Variants in CNBD1 observed in about 807,000 individuals in gnomAD.
The protein encoded by CNBD1 is cyclic nucleotide binding domain containing 1.
Under a neutral mutation model 54.4 loss-of-function variants are expected in CNBD1, and 71 were observed. The ratio of observed to expected loss-of-function variants is 1.30; its 90% confidence interval spans 1.08 to 1.59. CNBD1 has a LOEUF of 1.59. CNBD1 is among the 40% of genes most tolerant of loss of function. The probability of loss-of-function intolerance (pLI) is 0.00; values close to 1 mark genes in which losing one functional copy is unlikely to be tolerated. For synonymous variants in CNBD1, 182 were observed against 170.7 expected (o/e 1.07, Z -0.51); for missense variants, 659 against 518.0 (o/e 1.27, Z -2.64).
intron 4 of CNBD1, among the ~76,000 whole-genome samples, chr8:87,186,019 T>G (rs1813468132): frequency 6.6e-6 from 1 of 152,176 alleles, no homozygotes; most frequent in Non-Finnish European, 1.5e-5. Flanking sequence ...TGTTTGTCTT[T>G]GCCTGATGTT....
intron 8 of CNBD1, among the ~76,000 whole-genome samples, chr8:87,348,506 T>C (rs1029675224): frequency 6.6e-6 from 1 of 152,180 alleles, no homozygotes; most frequent in Non-Finnish European, 1.5e-5. Flanking sequence ...ATTGGTACTA[T>C]TACTTTATAC....
At chr8:86,913,319 A>G (rs180911081) in intron 3 of CNBD1, among the ~76,000 whole-genome samples, 1 of 152,276 alleles carries the variant, frequency 6.6e-6, no homozygotes, top group Non-Finnish European at 1.5e-5. Flanking sequence ...TACATTGTTA[A>G]TCCTGTATTT....
rs1810039778 is a variant in CNBD1, at chr8:87,040,407, G to T, written c.431+100653G>T. On this transcript the variant is annotated intron_variant, in intron 4 of 10. Transcript: ENST00000518476. ...AAATGCATTTACTTTGTGCTTTGTT[G>T]TAATGAATTCTTTTTCTTTTTTTTT... 3.4e-5 allele frequency among the ~76,000 whole-genome samples: 5 copies of T among 148,964 alleles called. No individual in the cohort carries two copies. In the South Asian group the frequency reaches 1.1e-3, roughly 32 times the overall value.
At chr8:86,871,054 G>C (rs78052090) in intron 1 of CNBD1, among the ~76,000 whole-genome samples, 1 of 152,138 alleles carries the variant, frequency 6.6e-6, no homozygotes, top group East Asian at 1.9e-4. Flanking sequence ...CAAACATTTA[G>C]TATTTTTTTC....
intron 4 of CNBD1, among the ~76,000 whole-genome samples, chr8:87,205,240 G>A (rs1244627202): frequency 6.6e-6 from 1 of 152,082 alleles, no homozygotes; most frequent in Non-Finnish European, 1.5e-5. Context: ...CACCATGTTG[G>A]CCAGGATAGT....
At chr8:86,888,195 T>C (rs1428560174) in intron 2 of CNBD1, among the ~76,000 whole-genome samples, 1 of 152,202 alleles carries the variant, frequency 6.6e-6, no homozygotes, top group Non-Finnish European at 1.5e-5. Flanking sequence ...GCCTTAGGTT[T>C]ACAGAGTTTT....
chr8:87,144,570 C>T (rs902373896), intron 4 of CNBD1, among the ~76,000 whole-genome samples: 3 of 151,996 alleles, frequency 2.0e-5, no homozygotes, highest in African/African-American at 7.2e-5. Flanking sequence ...TTGTAGAATC[C>T]CAGCACTTCG....
At chr8:87,277,104 A>C in intron 6 of CNBD1, among the ~76,000 whole-genome samples, 1 of 151,536 alleles carries the variant, frequency 6.6e-6, no homozygotes, top group African/African-American at 2.4e-5. Flanking sequence ...TCATATATGT[A>C]TATGTATAGA....
Position 86,897,882 on chromosome 8 carries a change from C to A in CNBD1, c.159-7199C>A, listed in dbSNP as rs148419693. 2.7e-4 allele frequency among the ~76,000 whole-genome samples: 41 copies of A among 152,210 alleles called. No individual in the cohort carries two copies. In the East Asian group the frequency reaches 7.9e-3, roughly 29 times the overall value. On this transcript the variant is annotated intron_variant, in intron 2 of 10. Coordinates refer to ENST00000518476, the MANE Select transcript of CNBD1 (RefSeq NM_173538.3). Reference sequence around the variant, plus strand: ...CTCTTAGTATTTTACCCCAGAGAAGCACCCACACATAAATAGGAAGGCATT... The same window carrying A: ...CTCTTAGTATTTTACCCCAGAGAAGAACCCACACATAAATAGGAAGGCATT...
chr8:87,343,554 C>T (rs74607312), intron 8 of CNBD1, among the ~76,000 whole-genome samples: 2,836 of 152,270 alleles, frequency 0.019, 89 homozygotes, highest in African/African-American at 0.062. Context: ...TAACTTATAA[C>T]TATACTCTTG....
chr8:87,287,323 G>A (rs148678590), intron 8 of CNBD1, among the ~76,000 whole-genome samples: 2 of 152,258 alleles, frequency 1.3e-5, no homozygotes, highest in East Asian at 3.9e-4. Context: ...ACTGTGGTAG[G>A]ATGGGCCAGA....
chr8:87,139,995 A>G (rs1475221402), intron 4 of CNBD1, among the ~76,000 whole-genome samples: 1 of 152,188 alleles, frequency 6.6e-6, no homozygotes, highest in Non-Finnish European at 1.5e-5. Flanking sequence ...TCTTAGTGTG[A>G]CATTATCTTA....
In CNBD1 at chr8:87,255,972, AATATATATATATATAT is replaced by A. The variant is rs1164599078; in HGVS notation, c.771+18889_771+18904del. Reference sequence around the variant, plus strand: ...AATACTCATATGATTTGCAGCTACAAATATATATATATATATATATATATATATATATATATATATA... The same window carrying A: ...AATACTCATATGATTTGCAGCTACAAATATATATATATATATATATATATA... On this transcript the variant is annotated intron_variant, in intron 6 of 10. Transcript: ENST00000518476. Among the ~76,000 whole-genome samples, 121 of 16,936 alleles carry A rather than the reference AATATATATATATATAT, an allele frequency of 7.1e-3. 5 individuals carry two copies. The highest frequency in any genetic ancestry group is 0.024 in the African/African-American group (114 of 4,708). The allele number at this position is 16,936 out of a possible 152,430, so 11.1% of individuals were successfully genotyped here.
At chr8:87,208,030 T>C (rs1814014679) in intron 5 of CNBD1, among the ~76,000 whole-genome samples, 1 of 152,196 alleles carries the variant, frequency 6.6e-6, no homozygotes, top group South Asian at 2.1e-4. Context: ...TCTGTCTCTC[T>C]CCTTTTTCTT....
chr8:87,150,038 G>A (rs913718799), intron 4 of CNBD1, among the ~76,000 whole-genome samples: 66 of 152,044 alleles, frequency 4.3e-4, no homozygotes, highest in African/African-American at 1.3e-3. Context: ...TTAGCCTGGC[G>A]TGGTGGCGGG....
rs192517593 is a variant in CNBD1, at chr8:86,998,993, G to T, written c.431+59239G>T. ...TCCTCATCCCATTTTTGACCTTTTT[G>T]CCCACTATCTATGTGGACTTTGGTC... On this transcript the variant is annotated intron_variant, in intron 4 of 10. Transcript: ENST00000518476. Among the ~76,000 whole-genome samples, 268 of 152,128 alleles carry T rather than the reference G, an allele frequency of 1.8e-3. 1 individual carries two copies. The highest frequency in any genetic ancestry group is 6.2e-3 in the East Asian group (32 of 5,164).
intron 4 of CNBD1, among the ~76,000 whole-genome samples, chr8:87,153,850 A>C (rs1392032663): frequency 2.6e-5 from 4 of 152,170 alleles, no homozygotes; most frequent in Non-Finnish European, 1.5e-5. Flanking sequence ...TTTTTGGGAG[A>C]CCGTAGAACA....
chr8:87,402,352 C>G (rs566515188), intron 2 of CNBD1, among the ~76,000 whole-genome samples: 2 of 151,892 alleles, frequency 1.3e-5, no homozygotes, highest in Admixed American at 6.6e-5. Context: ...TTTCAGGAAG[C>G]ATTCTTTTTC....
At chr8:87,369,814 G>T (rs1227252895) in intron 10 of CNBD1, among the ~76,000 whole-genome samples, 1 of 151,844 alleles carries the variant, frequency 6.6e-6, no homozygotes, top group Admixed American at 6.6e-5. Flanking sequence ...CCATGCTGGT[G>T]TGCTGCACCC....
Sources: allele counts gnomAD v4.1 joint callset (sites outside exome capture counted in the v4.1 genomes callset), GRCh38; gene constraint gnomAD v4.1.1; transcripts MANE v1.5; gene names NCBI Gene and HGNC (gene_info 2026-07-23, HGNC 2026-07-21).